Variants in DOCK8 observed in about 807,000 individuals in gnomAD.
The protein encoded by DOCK8 is dedicator of cytokinesis 8.
DOCK8 carries 141 observed loss-of-function variants against 245.6 expected under a neutral mutation model. The ratio of observed to expected loss-of-function variants is 0.57; its 90% CI spans 0.50 to 0.66. DOCK8 has a LOEUF of 0.66. Among genes scored for constraint, DOCK8 ranks in the 30% least tolerant of loss-of-function variants. The pLI, the probability that DOCK8 is intolerant of heterozygous loss-of-function variation, is 0.00. For synonymous variants in DOCK8, 1,168 were observed against 970.2 expected (o/e 1.20, Z -3.79); for missense variants, 2,965 against 2,603.4 (o/e 1.14, Z -3.02).
chr9:223,621 TC>T (rs1453497677), intron 1 of DOCK8, among the ~76,000 whole-genome samples: 4 of 151,408 alleles, frequency 2.6e-5, no homozygotes, highest in African/African-American at 9.7e-5. Flanking sequence ...TGTTTTAAAA[TC>T]TTTTTTTTTT....
chr9:257,203 ATTAT>A (rs942675575), intron 1 of DOCK8, among the ~76,000 whole-genome samples: 6 of 152,228 alleles, frequency 3.9e-5, no homozygotes, highest in African/African-American at 1.4e-4. Context: ...GGAAGAAGTG[ATTAT>A]TTGAGGGCAC....
intron 25 of DOCK8, 128 bp from the exon 26 acceptor site, chr9:399,018 C>T: frequency 2.5e-6 from 2 of 806,988 alleles, no homozygotes; most frequent in South Asian, 1.4e-5. Context: ...ACTACTTCGC[C>T]CAGTGCCACC....
rs1424860140 is a variant in DOCK8 at position 417,360 on chromosome 9, A to C, written c.3701-708A>C. Among the ~76,000 whole-genome samples, 2 of 152,354 alleles carry C rather than the reference A, an allele frequency of 1.3e-5. 1 individual carries two copies. The highest frequency in any genetic ancestry group is 6.8e-3 in the Middle Eastern group (2 of 294). On this transcript the variant is annotated intron_variant, in intron 29 of 47. Coordinates refer to ENST00000432829, the MANE Select transcript of DOCK8 (RefSeq NM_203447.4). The stretch of plus-strand genomic sequence containing the variant: ...AGTAGAAGAAATGTTATTTACACTC[A>C]AATTTTTCTAAATAATTGAAGGCCC...
At chr9:334,445 C>A (rs2051211074) in intron 11 of DOCK8, 61 bp downstream of exon 11, 1 of 1,571,500 alleles carries the variant, frequency 6.4e-7, no homozygotes, top group African/African-American at 1.4e-5. Flanking sequence ...CCCAGGTCCA[C>A]AGCTTACTAG....
At chr9:353,821 G>C (rs964212796) in intron 14 of DOCK8, among the ~76,000 whole-genome samples, 1 of 152,130 alleles carries the variant, frequency 6.6e-6, no homozygotes, top group African/African-American at 2.4e-5. Flanking sequence ...TCAAAATGTG[G>C]TGCTTTGGGG....
intron 1 of DOCK8, among the ~76,000 whole-genome samples, chr9:266,295 A>T (rs2129857428): frequency 6.6e-6 from 1 of 152,120 alleles, no homozygotes; most frequent in East Asian, 1.9e-4. Context: ...CCCTCCTCCC[A>T]CCTACCCACT....
intron 24 of DOCK8, among the ~76,000 whole-genome samples, chr9:393,818 C>T (rs975603005): frequency 7.2e-5 from 11 of 152,274 alleles, no homozygotes; most frequent in South Asian, 4.1e-4. Flanking sequence ...ACAGAGTTTC[C>T]GTTGCCCAAA....
intron 24 of DOCK8, among the ~76,000 whole-genome samples, chr9:393,830 G>C (rs1350646953): frequency 6.6e-6 from 1 of 152,152 alleles, no homozygotes; most frequent in African/African-American, 2.4e-5. Flanking sequence ...TTGCCCAAAA[G>C]GGTTAACTGA....
chr9:362,117 T>C (rs1410701857), intron 14 of DOCK8, among the ~76,000 whole-genome samples: 1 of 152,196 alleles, frequency 6.6e-6, no homozygotes, highest in East Asian at 1.9e-4. Context: ...TGGGATTCTG[T>C]CTTTATCACA....
In DOCK8 at chr9:325,731, GA is replaced by G; in HGVS notation, c.893del (p.Lys298ArgfsTer10). 1 of 1,613,718 alleles carries G rather than the reference GA, an allele frequency of 6.2e-7. No individual in the cohort carries two copies. Among genetic ancestry groups the G allele is most frequent in the Non-Finnish European group, 8.5e-7 (1 of 1,179,692 alleles). On this transcript the variant is annotated frameshift_variant, in exon 8 of 48. Transcript: ENST00000432829. LOFTEE classifies it high-confidence loss of function. ...SIALYDVKER[K>X]KISENFHCDL... ...TTGCCCTCTACGATGTTAAAGAAAG[GA>G]AAAAGGTAAGAAAGCAAAGAAAAAT... is the stretch of plus-strand genomic sequence containing the variant.
chr9:307,522 C>T (rs1380532238), intron 5 of DOCK8, among the ~76,000 whole-genome samples: 1 of 151,738 alleles, frequency 6.6e-6, no homozygotes, highest in African/African-American at 2.4e-5. Flanking sequence ...CCACGCCTGG[C>T]CAATTGTGTA....
intron 26 of DOCK8, among the ~76,000 whole-genome samples, chr9:403,970 ATATATG>A (rs1564021864): frequency 2.4e-4 from 17 of 71,230 alleles, no homozygotes; most frequent in African/African-American, 1.7e-3. Flanking sequence ...GTATATATAT[ATATATG>A]TGTATATATA....
At chr9:433,353 C>T (rs969770723) in intron 37 of DOCK8, among the ~76,000 whole-genome samples, 4 of 152,170 alleles carry the variant, frequency 2.6e-5, no homozygotes. Context: ...GTCTCTAGAT[C>T]AAGCCATAGT....
chr9:344,996 G>A (rs1444635463), intron 14 of DOCK8, among the ~76,000 whole-genome samples: 1 of 152,106 alleles, frequency 6.6e-6, no homozygotes, highest in Non-Finnish European at 1.5e-5. Context: ...AGGTTGCAGT[G>A]AGCTGAGATC....
intron 14 of DOCK8, among the ~76,000 whole-genome samples, chr9:360,319 A>AT (rs202089711): frequency 7.5e-6 from 1 of 132,592 alleles, no homozygotes; most frequent in South Asian, 2.4e-4. Flanking sequence ...CCATCTCAAA[A>AT]TTTAAAAAAA....
chr9:417,924 G>T (rs2056097334), intron 29 of DOCK8, 144 bp from the exon 30 acceptor site: 1 of 953,998 alleles, frequency 1.0e-6, no homozygotes, highest in South Asian at 1.4e-5. Context: ...TCCTATAGGT[G>T]ATAGCAGATA....
intron 28 of DOCK8, among the ~76,000 whole-genome samples, chr9:408,382 G>T (rs1217220032): frequency 6.6e-6 from 1 of 152,134 alleles, no homozygotes; most frequent in African/African-American, 2.4e-5. Context: ...TCTCAATTCT[G>T]CCTCCTTCCA....
chr9:272,403 G>A (rs1031331719), intron 2 of DOCK8, among the ~76,000 whole-genome samples: 4 of 151,912 alleles, frequency 2.6e-5, no homozygotes, highest in African/African-American at 7.3e-5. Context: ...CTTTTTTTGA[G>A]ACAGGGTGTC....
intron 2 of DOCK8, among the ~76,000 whole-genome samples, chr9:282,824 C>T (rs745597496): frequency 6.6e-5 from 10 of 152,304 alleles, no homozygotes; most frequent in East Asian, 3.9e-4. Flanking sequence ...ACTAGTTTTA[C>T]GGCTCATGTC....
Sources: gnomAD v4.1 joint callset for allele counts (sites outside exome capture counted in the v4.1 genomes callset) on GRCh38, gnomAD v4.1.1 for gene constraint, MANE v1.5 for transcripts, NCBI Gene and HGNC (gene_info 2026-07-23, HGNC 2026-07-21) for gene names.